Variants in HTRA1 observed in about 807,000 individuals in gnomAD.
HTRA1 encodes the protein serine protease HTRA1.
HTRA1 carries 26 observed loss-of-function variants against 49.7 expected under a neutral mutation model. That is an observed-to-expected ratio of 0.52 (90% confidence interval 0.38 to 0.73). The LOEUF (loss-of-function observed/expected upper bound fraction) is 0.73. HTRA1 is among the 30% of genes least tolerant of loss of function. HTRA1 has a pLI of 0.00. For missense variants in HTRA1, 561 were observed against 667.2 expected (o/e 0.84, Z 1.75); for synonymous variants, 291 against 286.9 (o/e 1.01, Z -0.14).
At chr10:122,500,487 C>T (rs957295848) in intron 3 of HTRA1, among the ~76,000 whole-genome samples, 1 of 152,148 alleles carries the variant, frequency 6.6e-6, no homozygotes, top group Non-Finnish European at 1.5e-5. Context: ...AACCGCAATC[C>T]AGAGAAGCTA....
At chr10:122,484,447 T>G (rs2097492274) in intron 1 of HTRA1, among the ~76,000 whole-genome samples, 1 of 152,172 alleles carries the variant, frequency 6.6e-6, no homozygotes, top group Admixed American at 6.5e-5. Flanking sequence ...CGCAGTGACA[T>G]GACGACGTCG....
At chr10:122,463,469 T>A (rs1565405580) in intron 1 of HTRA1, among the ~76,000 whole-genome samples, 1 of 152,036 alleles carries the variant, frequency 6.6e-6, no homozygotes, top group Non-Finnish European at 1.5e-5. Flanking sequence ...TGTGACCTCA[T>A]TTGGTCAAAC....
chr10:122,497,883 G>T (rs531777014), intron 3 of HTRA1, among the ~76,000 whole-genome samples: 2 of 152,212 alleles, frequency 1.3e-5, no homozygotes, highest in Non-Finnish European at 2.9e-5. Flanking sequence ...CATCAAAGGC[G>T]CTGATGTATG....
At chr10:122,463,854 G>A (rs2097482661) in intron 1 of HTRA1, among the ~76,000 whole-genome samples, 1 of 152,140 alleles carries the variant, frequency 6.6e-6, no homozygotes, top group South Asian at 2.1e-4. Context: ...CTCAGAGCTG[G>A]GAACAGCATA....
At chr10:122,507,908 G>A (rs1237237544) in intron 5 of HTRA1, among the ~76,000 whole-genome samples, 5 of 150,960 alleles carry the variant, frequency 3.3e-5, no homozygotes, top group Non-Finnish European at 7.4e-5. Flanking sequence ...TTAAATACTT[G>A]AGCAGAAAAA....
In HTRA1 at chr10:122,511,732, CAA is replaced by C. The variant is rs56119820; in HGVS notation, c.1179-226_1179-225del. Among the ~76,000 whole-genome samples the C allele has an allele frequency of 0.66, 87,820 of 133,596 alleles. 26,699 individuals carry two copies. Among genetic ancestry groups the C allele is most frequent in the Middle Eastern group, 0.74 (200 of 272 alleles). 87.6% of individuals were successfully genotyped at this position (133,596 alleles called of 152,430 possible). A position where few individuals can be genotyped will look rare whatever the true frequency, so the allele number is the denominator to read the frequency against. ...TGGGCGACAGAGCAAGACTCTGTCTCAAAAAAAAAAAAATAAATAAAAAAAAT... is the reference window on the plus strand; with the variant it reads ...TGGGCGACAGAGCAAGACTCTGTCTCAAAAAAAAAAATAAATAAAAAAAAT... On this transcript the variant is annotated intron_variant, in intron 7 of 8. Coordinates refer to ENST00000368984, the MANE Select transcript of HTRA1 (RefSeq NM_002775.5).
At chr10:122,481,998 G>A (rs1210642330) in intron 1 of HTRA1, among the ~76,000 whole-genome samples, 1 of 152,036 alleles carries the variant, frequency 6.6e-6, no homozygotes, top group African/African-American at 2.4e-5. Flanking sequence ...GTCTTTATCA[G>A]CAGTGTGAAA....
At chr10:122,483,509 A>G (rs976504894) in intron 1 of HTRA1, among the ~76,000 whole-genome samples, 3 of 152,210 alleles carry the variant, frequency 2.0e-5, no homozygotes, top group Non-Finnish European at 4.4e-5. Flanking sequence ...ATCATGTAGC[A>G]CTGTATAAGT....
rs1270795794 is a variant in HTRA1 at position 122,506,201 on chromosome 10, A to G, written c.778-490A>G. Among the ~76,000 whole-genome samples the G allele has an allele frequency of 6.6e-6, 1 of 150,738 alleles. No individual in the cohort carries two copies. The highest frequency in any genetic ancestry group is 2.0e-4 in the East Asian group (1 of 5,092). ...AGTTCCCTGCCCGCAGAGCACCCCA[A>G]ATATTCCAGGCCTCAGGACGGATGT... On this transcript the variant is annotated intron_variant, in intron 3 of 8. Coordinates refer to ENST00000368984, the MANE Select transcript of HTRA1 (RefSeq NM_002775.5). This position sits in a 1 kb window ranked among gnomAD's most constrained non-coding sequence, Gnocchi z 5.2.
chr10:122,480,005 C>T (rs530342922), intron 1 of HTRA1, among the ~76,000 whole-genome samples: 7 of 151,958 alleles, frequency 4.6e-5, no homozygotes, highest in Admixed American at 2.0e-4. Context: ...AGCTGGGAGA[C>T]GGAAACGCAG....
intron 1 of HTRA1, among the ~76,000 whole-genome samples, chr10:122,475,277 C>G (rs146881847): frequency 6.6e-6 from 1 of 152,186 alleles, no homozygotes; most frequent in African/African-American, 2.4e-5. Flanking sequence ...GTCTGGCGTC[C>G]GGCGAGCTTT....
chr10:122,502,638 T>G (rs193035435), intron 3 of HTRA1, among the ~76,000 whole-genome samples: 2,730 of 152,292 alleles, frequency 0.018, 73 homozygotes, highest in East Asian at 0.14. Flanking sequence ...TGGGGGCCAG[T>G]GGGCGTTTTT....
At chr10:122,500,876 G>T (rs2097500596) in intron 3 of HTRA1, among the ~76,000 whole-genome samples, 1 of 152,130 alleles carries the variant, frequency 6.6e-6, no homozygotes, top group African/African-American at 2.4e-5. Context: ...TCCCGTGGTG[G>T]GCCCCTGCTT....
chr10:122,509,962 A>T, intron 6 of HTRA1, 134 bp from the exon 7 acceptor site: 1 of 756,894 alleles, frequency 1.3e-6, no homozygotes, highest in Non-Finnish European at 2.4e-6. Flanking sequence ...CCAGACCAGG[A>T]TTTGAGCCGC....
chr10:122,488,667 G>A (rs1475814390), intron 1 of HTRA1, among the ~76,000 whole-genome samples: 1 of 152,296 alleles, frequency 6.6e-6, no homozygotes, highest in Non-Finnish European at 1.5e-5. Flanking sequence ...ACGTTTTTGT[G>A]GTGAACCTGA....
intron 1 of HTRA1, among the ~76,000 whole-genome samples, chr10:122,469,549 GA>G (rs2133909862): frequency 6.6e-6 from 1 of 152,328 alleles, no homozygotes; most frequent in South Asian, 2.1e-4. Flanking sequence ...AGGGCAGTGG[GA>G]AATGTCATCA....
chr10:122,492,060 G>A (rs972868609), intron 3 of HTRA1, among the ~76,000 whole-genome samples: 6 of 152,290 alleles, frequency 3.9e-5, no homozygotes, highest in African/African-American at 1.4e-4. Flanking sequence ...CAAAGAGGAT[G>A]AAAGAGATCA....
Position 122,506,659 on chromosome 10 carries a change from C to T in HTRA1, c.778-32C>T. ...CTTTACCTATTTGGTTAAATTAAAC[C>T]AACTCAGCAACGCCAGCCATTGTGG... On this transcript the variant is annotated intron_variant, in intron 3 of 8. Coordinates refer to ENST00000368984, the MANE Select transcript of HTRA1 (RefSeq NM_002775.5). The surrounding 1 kb of genome is among the most constrained non-coding windows in gnomAD (Gnocchi z 5.2). 1.9e-6 allele frequency: 3 copies of T among 1,598,082 alleles called. No homozygotes were observed. In the Middle Eastern group the frequency reaches 5.0e-4, roughly 264 times the overall value.
rs2239588 is a variant in HTRA1 at position 122,490,577 on chromosome 10, G to C, written c.777+951G>C. Among the ~76,000 whole-genome samples the C allele has an allele frequency of 0.12, 17,515 of 152,120 alleles. 1,225 individuals carry two copies. The highest frequency in any genetic ancestry group is 0.32 in the South Asian group (1,540 of 4,796). On this transcript the variant is annotated intron_variant, in intron 3 of 8. Transcript: ENST00000368984. This position sits in a 1 kb window ranked among gnomAD's most constrained non-coding sequence, Gnocchi z 4.2. ...ATAATTTTCTAGACTTCAGATGGAG[G>C]GAACAATCAGAGGAGGCTGGAATCC...
Sources: allele counts gnomAD v4.1 joint callset (sites outside exome capture counted in the v4.1 genomes callset), GRCh38; gene constraint gnomAD v4.1.1; non-coding constraint Gnocchi (gnomAD v3.1); transcripts MANE v1.5; gene names NCBI Gene and HGNC (gene_info 2026-07-23, HGNC 2026-07-21).